Variants in ROBO1 observed in about 807,000 individuals in gnomAD.
The protein encoded by ROBO1 is roundabout homolog 1.
In ROBO1, 149 loss-of-function variants were observed where a neutral mutation model predicts 195.9. The ratio of observed to expected loss-of-function variants is 0.76; its 90% CI spans 0.67 to 0.87. The LOEUF (loss-of-function observed/expected upper bound fraction) is 0.87. Among genes scored for constraint, ROBO1 ranks in the 40% least tolerant of loss-of-function variants. The pLI is 0.00. For synonymous variants in ROBO1, 816 were observed against 733.2 expected (o/e 1.11, Z -1.82); for missense variants, 1,933 against 2,068.3 (o/e 0.93, Z 1.27).
At chr3:79,496,893 T>C (rs1939777645) in intron 2 of ROBO1, among the ~76,000 whole-genome samples, 1 of 152,218 alleles carries the variant, frequency 6.6e-6, no homozygotes, top group African/African-American at 2.4e-5. Context: ...ATGTACATTA[T>C]CATTTTCCAA....
intron 2 of ROBO1, among the ~76,000 whole-genome samples, chr3:79,578,927 T>C (rs576427314): frequency 6.6e-6 from 1 of 152,326 alleles, no homozygotes; most frequent in South Asian, 2.1e-4. Flanking sequence ...TATTAAGAAC[T>C]AGTTGCCAGT....
intron 3 of ROBO1, among the ~76,000 whole-genome samples, chr3:79,050,367 A>T (rs1362737642): frequency 1.3e-5 from 2 of 152,228 alleles, no homozygotes; most frequent in African/African-American, 4.8e-5. Flanking sequence ...ATATATATGC[A>T]TCCAATACAG....
intron 5 of ROBO1, among the ~76,000 whole-genome samples, chr3:78,734,188 G>A (rs978585138): frequency 3.9e-5 from 6 of 152,008 alleles, no homozygotes; most frequent in Admixed American, 1.3e-4. Flanking sequence ...AAGAGTTGGC[G>A]GAATTCCATG....
chr3:79,587,374 T>C (rs1486189206), intron 2 of ROBO1, among the ~76,000 whole-genome samples: 1 of 151,842 alleles, frequency 6.6e-6, no homozygotes, highest in Non-Finnish European at 1.5e-5. Context: ...ATTGAGCCAA[T>C]GTTTTAATTG....
chr3:79,329,252 A>G lies in ROBO1; in HGVS notation c.89-203713T>C, dbSNP rs1413428287. Among the ~76,000 whole-genome samples, 3 of 152,234 alleles carry G rather than the reference A, an allele frequency of 2.0e-5. No individual in the cohort carries two copies. The East Asian group carries it at 5.8e-4, about 29-fold the overall frequency. ...AAAAATTCAGAGAGTTAGCCTTCCT[A>G]CTCTAAAGCTTTACTAATCTAGGTC... On this transcript the variant is annotated intron_variant, in intron 2 of 30. Coordinates refer to ENST00000464233, the MANE Select transcript of ROBO1 (RefSeq NM_002941.4).
chr3:79,223,007 C>T (rs768654028), intron 2 of ROBO1, among the ~76,000 whole-genome samples: 2 of 152,116 alleles, frequency 1.3e-5, no homozygotes, highest in Non-Finnish European at 2.9e-5. Context: ...GATTCAGAGA[C>T]ATTTTATGCA....
At chr3:79,547,320 A>G (rs1021417928) in intron 2 of ROBO1, among the ~76,000 whole-genome samples, 3 of 152,070 alleles carry the variant, frequency 2.0e-5, no homozygotes, top group Non-Finnish European at 4.4e-5. Flanking sequence ...AAATGAAACA[A>G]TCAATCATAG....
rs568085360 is a variant in ROBO1 at position 78,803,554 on chromosome 3, C to T, written c.500-56654G>A. Among the ~76,000 whole-genome samples the T allele has an allele frequency of 3.9e-5, 6 of 152,126 alleles. No individual in the cohort carries two copies. The South Asian group carries it at 8.3e-4, about 21-fold the overall frequency. On this transcript the variant is annotated intron_variant, in intron 4 of 30. Coordinates refer to ENST00000464233, the MANE Select transcript of ROBO1 (RefSeq NM_002941.4). Reference sequence around the variant, plus strand: ...TTTAGTCACTTTCTACTAGTTCCTGCGAGTAAGTCGTCTTTTAATCTTCTA... The same window carrying T: ...TTTAGTCACTTTCTACTAGTTCCTGTGAGTAAGTCGTCTTTTAATCTTCTA...
chr3:78,736,059 C>T (rs1464031768), intron 5 of ROBO1, among the ~76,000 whole-genome samples: 1 of 151,952 alleles, frequency 6.6e-6, no homozygotes, highest in African/African-American at 2.4e-5. Flanking sequence ...TGTAGTATCT[C>T]CTATTTTTAA....
At chr3:79,348,411 T>C (rs2035215040) in intron 2 of ROBO1, among the ~76,000 whole-genome samples, 1 of 152,058 alleles carries the variant, frequency 6.6e-6, no homozygotes. Context: ...CTCTTACATA[T>C]GAAGTTTTAT....
intron 2 of ROBO1, among the ~76,000 whole-genome samples, chr3:79,282,006 T>A (rs1576917995): frequency 6.6e-6 from 1 of 152,184 alleles, no homozygotes; most frequent in Non-Finnish European, 1.5e-5. Context: ...GACCCTAAAT[T>A]AGTGCTGGAA....
chr3:79,644,393 C>G (rs1287513033), intron 1 of ROBO1, among the ~76,000 whole-genome samples: 1 of 151,950 alleles, frequency 6.6e-6, no homozygotes, highest in Non-Finnish European at 1.5e-5. Context: ...TGAGACTGGG[C>G]AAGTTAAAAA....
At chr3:78,720,088 C>T (rs1013642013) in intron 5 of ROBO1, among the ~76,000 whole-genome samples, 3 of 152,164 alleles carry the variant, frequency 2.0e-5, no homozygotes, top group East Asian at 1.9e-4. Flanking sequence ...CTCCCACATA[C>T]CTCTGGTATG....
intron 4 of ROBO1, among the ~76,000 whole-genome samples, chr3:78,886,778 T>A (rs996768502): frequency 1.3e-5 from 2 of 152,118 alleles, no homozygotes; most frequent in African/African-American, 4.8e-5. Context: ...TGATTATACT[T>A]ATACAAAGAT....
intron 2 of ROBO1, among the ~76,000 whole-genome samples, chr3:79,449,458 A>T (rs991292026): frequency 3.9e-5 from 6 of 152,120 alleles, no homozygotes; most frequent in African/African-American, 1.4e-4. Flanking sequence ...GGAGCTTATT[A>T]AAAAAGAATA....
chr3:79,645,860 A>G (rs1945806640), intron 1 of ROBO1, among the ~76,000 whole-genome samples: 2 of 152,238 alleles, frequency 1.3e-5, no homozygotes, highest in East Asian at 3.9e-4. Flanking sequence ...TGCCAAGAAC[A>G]TACAATGTAT....
intron 28 of ROBO1, among the ~76,000 whole-genome samples, chr3:78,609,554 G>A (rs1370144418): frequency 6.6e-6 from 1 of 152,080 alleles, no homozygotes; most frequent in East Asian, 1.9e-4. Context: ...ACCTAACCAG[G>A]TAGTTATACA....
rs552478126 is a variant in ROBO1 at position 78,653,347 on chromosome 3, C to T, written c.2615-1418G>A. ...AACTTACTTGACTCACCCCAGTGAC[C>T]CCACACCCCTCATGGACTGTGCAGA... On this transcript the variant is annotated intron_variant, in intron 18 of 30. Transcript: ENST00000464233. Among the ~76,000 whole-genome samples the T allele has an allele frequency of 1.9e-3, 286 of 152,182 alleles. 1 individual carries two copies. The highest frequency in any genetic ancestry group is 6.6e-3 in the African/African-American group (274 of 41,526).
chr3:79,629,632 T>G (rs1445206935), intron 1 of ROBO1, among the ~76,000 whole-genome samples: 2 of 148,894 alleles, frequency 1.3e-5, no homozygotes, highest in South Asian at 2.1e-4. Flanking sequence ...AGAAAAAAAG[T>G]AACAAAGATC....
Sources: gnomAD v4.1 joint callset for allele counts (sites outside exome capture counted in the v4.1 genomes callset) on GRCh38, gnomAD v4.1.1 for gene constraint, MANE v1.5 for transcripts, NCBI Gene and HGNC (gene_info 2026-07-23, HGNC 2026-07-21) for gene names.